NRXN1: variants seen among roughly 807,000 people sequenced by gnomAD.
NRXN1 encodes the protein neurexin-1.
In NRXN1, 39 loss-of-function variants were observed where a neutral mutation model predicts 150.9. The observed-to-expected ratio is 0.26, with a 90% CI of 0.20 to 0.34. NRXN1 has a LOEUF of 0.34. Among genes scored for constraint, NRXN1 ranks in the 10% least tolerant of loss-of-function variants. NRXN1 has a pLI of 1.00. For missense variants in NRXN1, 1,815 were observed against 1,949.9 expected (o/e 0.93, Z 1.30); for synonymous variants, 924 against 757.0 (o/e 1.22, Z -3.62).
At chr2:50,872,373 G>C (rs1019317678) in intron 5 of NRXN1, among the ~76,000 whole-genome samples, 2 of 151,842 alleles carry the variant, frequency 1.3e-5, no homozygotes, top group South Asian at 4.1e-4. Flanking sequence ...TTGAGCTGAG[G>C]GTTGAGGAGT....
chr2:50,205,425 C>T (rs2062496246), intron 18 of NRXN1, among the ~76,000 whole-genome samples: 1 of 152,140 alleles, frequency 6.6e-6, no homozygotes, highest in East Asian at 1.9e-4. Context: ...CAACAGAAGA[C>T]TACATGAAGG....
chr2:50,230,080 C>G (rs766482281), intron 18 of NRXN1, among the ~76,000 whole-genome samples: 16 of 151,982 alleles, frequency 1.1e-4, no homozygotes, highest in Non-Finnish European at 2.2e-4. Context: ...TAGGTAATGT[C>G]CTAGGAATTG....
In NRXN1 at chr2:50,791,125, G is replaced by GTTTT. The variant is rs535114226; in HGVS notation, c.832+130740_832+130743dup. On this transcript the variant is annotated intron_variant, in intron 5 of 22. Transcript: ENST00000401669. ...AGCAATAAGTAAATGCAATCAAAAT[G>GTTTT]TTTTTTTTTTTTAAAAAAAAAGACT... Among the ~76,000 whole-genome samples, 421 of 131,982 alleles carry GTTTT rather than the reference G, an allele frequency of 3.2e-3. 5 individuals carry two copies. Among genetic ancestry groups the GTTTT allele is most frequent in the African/African-American group, 0.011 (409 of 36,228 alleles). The allele number at this position is 131,982 out of a possible 152,430, so 86.6% of individuals were successfully genotyped here.
At chr2:50,753,451 G>T (rs1445787041) in intron 5 of NRXN1, among the ~76,000 whole-genome samples, 3 of 151,760 alleles carry the variant, frequency 2.0e-5, no homozygotes, top group African/African-American at 7.3e-5. Context: ...AAAGAAAATG[G>T]CATCGTCATG....
chr2:50,570,427 A>C (rs1670497648), intron 8 of NRXN1, among the ~76,000 whole-genome samples: 1 of 152,112 alleles, frequency 6.6e-6, no homozygotes, highest in Non-Finnish European at 1.5e-5. Context: ...TTAATTTCTT[A>C]TAAGTATCGT....
intron 17 of NRXN1, among the ~76,000 whole-genome samples, chr2:50,310,227 C>G (rs566363331): frequency 9.2e-5 from 14 of 152,310 alleles, no homozygotes; most frequent in African/African-American, 3.4e-4. Flanking sequence ...TTGCTCACTT[C>G]TTTCATTTCT....
At chr2:49,969,113 C>T (rs922955050) in intron 21 of NRXN1, among the ~76,000 whole-genome samples, 3 of 152,056 alleles carry the variant, frequency 2.0e-5, no homozygotes, top group African/African-American at 4.8e-5. Flanking sequence ...AGTAGCTTAT[C>T]CCCGGCCAAA....
rs150697716 is a variant in NRXN1, at chr2:50,275,834, A to G, written c.3365-38864T>C. The stretch of plus-strand genomic sequence containing the variant: ...GGATTTTTGGCACGTAGTTATCAAT[A>G]GAACATAGTAAACATAGCAGTGAAT... On this transcript the variant is annotated intron_variant, in intron 17 of 22. Coordinates refer to ENST00000401669, the MANE Select transcript of NRXN1 (RefSeq NM_001330078.2). Among the ~76,000 whole-genome samples the G allele has an allele frequency of 3.1e-3, 471 of 152,232 alleles. 19 individuals are homozygous for G. The highest frequency in any genetic ancestry group is 0.028 in the Admixed American group (425 of 15,276).
chr2:50,750,733 C>T (rs998145170), intron 5 of NRXN1, among the ~76,000 whole-genome samples: 1 of 152,012 alleles, frequency 6.6e-6, no homozygotes, highest in Non-Finnish European at 1.5e-5. Flanking sequence ...CACCGAAGTA[C>T]TGACACAAGC....
chr2:50,275,725 C>A (rs182950958), intron 17 of NRXN1, among the ~76,000 whole-genome samples: 2 of 152,120 alleles, frequency 1.3e-5, no homozygotes, highest in African/African-American at 2.4e-5. Flanking sequence ...AGAATTCATT[C>A]CTTATGTTTA....
At chr2:50,003,273 A>G (rs1237709919) in intron 21 of NRXN1, among the ~76,000 whole-genome samples, 1 of 152,152 alleles carries the variant, frequency 6.6e-6, no homozygotes, top group African/African-American at 2.4e-5. Context: ...GCTTGTTAAG[A>G]TTATAGAGCT....
intron 5 of NRXN1, among the ~76,000 whole-genome samples, chr2:50,790,705 G>T (rs1281682945): frequency 2.6e-5 from 4 of 152,032 alleles, no homozygotes; most frequent in Non-Finnish European, 4.4e-5. Context: ...CAAATTTTTG[G>T]TTTTTTTGGA....
At chr2:50,352,779 T>TATTATA (rs1458335895) in intron 17 of NRXN1, among the ~76,000 whole-genome samples, 2 of 94,346 alleles carry the variant, frequency 2.1e-5, no homozygotes, top group Admixed American at 2.6e-4. Flanking sequence ...ATAATAATAT[T>TATTATA]ATAATAATAA....
intron 21 of NRXN1, among the ~76,000 whole-genome samples, chr2:49,996,297 T>C (rs1020317588): frequency 1.3e-5 from 2 of 152,076 alleles, no homozygotes; most frequent in South Asian, 2.1e-4. Context: ...GTAGAGAAGG[T>C]AGAAGAACAT....
intron 21 of NRXN1, chr2:49,972,835 T>A (rs1678183384): frequency 6.6e-6 from 1 of 152,096 alleles, no homozygotes; most frequent in Admixed American, 6.6e-5. Context: ...AGGCCAGGCT[T>A]CCTTCACTAT....
intron 19 of NRXN1, among the ~76,000 whole-genome samples, chr2:50,067,902 T>C (rs1036616862): frequency 1.3e-5 from 2 of 152,228 alleles, no homozygotes; most frequent in African/African-American, 4.8e-5. Flanking sequence ...AGTTCTTGTT[T>C]TTTGAAAATT....
chr2:50,769,198 T>C (rs969118255), intron 5 of NRXN1, among the ~76,000 whole-genome samples: 5 of 152,042 alleles, frequency 3.3e-5, no homozygotes, highest in Admixed American at 2.0e-4. Context: ...CAGATATCTA[T>C]AGTTCATACA....
intron 17 of NRXN1, among the ~76,000 whole-genome samples, chr2:50,291,095 G>A (rs891512355): frequency 1.3e-5 from 2 of 150,130 alleles, no homozygotes; most frequent in Non-Finnish European, 2.9e-5. Flanking sequence ...GGAAGGAAAG[G>A]GATTTTTTAT....
intron 8 of NRXN1, among the ~76,000 whole-genome samples, chr2:50,611,761 G>A (rs1406545625): frequency 1.3e-5 from 2 of 152,200 alleles, no homozygotes; most frequent in Non-Finnish European, 2.9e-5. Flanking sequence ...GCCTTAAGAG[G>A]AGGAAAAGTG....
Sources: gnomAD v4.1 joint callset for allele counts (sites outside exome capture counted in the v4.1 genomes callset) on GRCh38, gnomAD v4.1.1 for gene constraint, MANE v1.5 for transcripts, NCBI Gene and HGNC (gene_info 2026-07-23, HGNC 2026-07-21) for gene names.